NARS2: variants seen among roughly 807,000 people sequenced by gnomAD.
The protein encoded by NARS2 is asparaginyl-tRNA synthetase.
Under a neutral mutation model 62.9 loss-of-function variants are expected in NARS2, and 60 were observed. That is an observed-to-expected ratio of 0.95 (90% CI 0.77 to 1.18). The LOEUF (loss-of-function observed/expected upper bound fraction) is 1.18. Ranked by LOEUF, NARS2 falls within the 50% of genes most tolerant of loss-of-function variation. NARS2 has a pLI of 0.00. For missense variants in NARS2, 619 were observed against 576.4 expected (o/e 1.07, Z -0.76); for synonymous variants, 196 against 200.0 (o/e 0.98, Z 0.17).
intron 5 of NARS2, among the ~76,000 whole-genome samples, chr11:78,549,088 T>C (rs913866518): frequency 6.6e-6 from 1 of 152,208 alleles, no homozygotes; most frequent in African/African-American, 2.4e-5. Context: ...TCTGGGCAAG[T>C]GTGGCTGAGA....
chr11:78,486,407 A>G (rs116252581), intron 7 of NARS2, among the ~76,000 whole-genome samples: 3 of 152,180 alleles, frequency 2.0e-5, no homozygotes. Flanking sequence ...CAAGAAATGT[A>G]TATGTGAAAC....
chr11:78,544,030 A>AAC (rs1855745216), intron 5 of NARS2, among the ~76,000 whole-genome samples: 1 of 151,080 alleles, frequency 6.6e-6, no homozygotes, highest in African/African-American at 2.4e-5. Flanking sequence ...AAAAAAAAAA[A>AAC]AAAAAAAAAA....
At chr11:78,498,671 CT>C (rs56691152) in intron 6 of NARS2, among the ~76,000 whole-genome samples, 110,460 of 141,468 alleles carry the variant, frequency 0.78, 43,270 homozygotes, top group Non-Finnish European at 0.81. Flanking sequence ...CCAATACGCT[CT>C]TTTTTTTTTT....
intron 4 of NARS2, among the ~76,000 whole-genome samples, chr11:78,559,973 T>C (rs540536243): frequency 6.6e-6 from 1 of 152,200 alleles, no homozygotes; most frequent in Non-Finnish European, 1.5e-5. Flanking sequence ...TAGTACTATA[T>C]TCTCTTCCCA....
intron 11 of NARS2, among the ~76,000 whole-genome samples, chr11:78,451,110 A>G (rs1857956062): frequency 6.6e-6 from 1 of 152,178 alleles, no homozygotes; most frequent in South Asian, 2.1e-4. Context: ...CTACCTAGCT[A>G]AAGATTCTGC....
At chr11:78,483,891 T>A (rs901090117) in intron 7 of NARS2, among the ~76,000 whole-genome samples, 1 of 152,140 alleles carries the variant, frequency 6.6e-6, no homozygotes, top group Non-Finnish European at 1.5e-5. Context: ...AAAAACTACA[T>A]TAAATTTCAT....
chr11:78,561,704 G>A (rs1400397822), intron 4 of NARS2, among the ~76,000 whole-genome samples: 1 of 152,180 alleles, frequency 6.6e-6, no homozygotes, highest in Non-Finnish European at 1.5e-5. Context: ...AAACGTGAAA[G>A]GAATTGCTAG....
At chr11:78,443,345 T>TA (rs998721914) in intron 12 of NARS2, among the ~76,000 whole-genome samples, 5 of 143,354 alleles carry the variant, frequency 3.5e-5, no homozygotes, top group African/African-American at 8.3e-5. Context: ...AAAAAAAAAT[T>TA]AAAAAAAAAT....
chr11:78,454,017 T>A (rs1289563616), intron 11 of NARS2, among the ~76,000 whole-genome samples: 3 of 152,248 alleles, frequency 2.0e-5, no homozygotes, highest in Non-Finnish European at 4.4e-5. Context: ...AAGACTGTTT[T>A]ACCACATTGC....
intron 11 of NARS2, among the ~76,000 whole-genome samples, chr11:78,458,816 T>C (rs1858268807): frequency 6.6e-6 from 1 of 152,226 alleles, no homozygotes. Flanking sequence ...ACTTCCATAA[T>C]TCCCACTTGT....
At chr11:78,513,836 G>C (rs779074368) in intron 6 of NARS2, among the ~76,000 whole-genome samples, 2 of 152,064 alleles carry the variant, frequency 1.3e-5, no homozygotes, top group African/African-American at 4.8e-5. Flanking sequence ...CTGGAGGTGG[G>C]GCCTTGTGGG....
At chr11:78,559,647 A>T in intron 4 of NARS2, 28 bp from the exon 5 acceptor site, 1 of 1,446,468 alleles carries the variant, frequency 6.9e-7, no homozygotes. Flanking sequence ...TGTTTTCAGG[A>T]TATTTGCACA....
chr11:78,561,852 G>A (rs111398634), intron 4 of NARS2, among the ~76,000 whole-genome samples: 141 of 152,166 alleles, frequency 9.3e-4, no homozygotes, highest in African/African-American at 2.9e-3. Flanking sequence ...CTGAGGTCAG[G>A]AGTTTGAGAC....
chr11:78,456,800 C>T (rs1331938932), intron 11 of NARS2, among the ~76,000 whole-genome samples: 1 of 152,222 alleles, frequency 6.6e-6, no homozygotes. Context: ...AGCTGAACAT[C>T]TGCCACCTGG....
At chr11:78,531,489 A>G (rs1278549551) in intron 5 of NARS2, among the ~76,000 whole-genome samples, 2 of 152,242 alleles carry the variant, frequency 1.3e-5, no homozygotes, top group African/African-American at 4.8e-5. Context: ...TAAATGGCAC[A>G]GTAATTCCAT....
chr11:78,557,911 TG>T (rs1856421181), intron 5 of NARS2, among the ~76,000 whole-genome samples: 1 of 151,114 alleles, frequency 6.6e-6, no homozygotes, highest in South Asian at 2.1e-4. Flanking sequence ...TATCTCCAAA[TG>T]TATCTTTATT....
At chr11:78,568,482 T>C in intron 3 of NARS2, 150 bp downstream of exon 3, 1 of 850,818 alleles carries the variant, frequency 1.2e-6, no homozygotes, top group African/African-American at 1.7e-5. Context: ...TAATTTTTGC[T>C]ACTGCCTCTA....
chr11:78,561,906 C>G (rs563294099), intron 4 of NARS2, among the ~76,000 whole-genome samples: 2 of 152,106 alleles, frequency 1.3e-5, no homozygotes, highest in South Asian at 4.2e-4. Flanking sequence ...CTAAAAAATA[C>G]AAAAATTAGC....
intron 11 of NARS2, among the ~76,000 whole-genome samples, chr11:78,453,891 C>T (rs998299271): frequency 1.3e-5 from 2 of 152,208 alleles, no homozygotes; most frequent in Non-Finnish European, 2.9e-5. Flanking sequence ...AGTTTTACTA[C>T]TGCTGCTGTC....
Sources: allele counts gnomAD v4.1 joint callset (sites outside exome capture counted in the v4.1 genomes callset), GRCh38; gene constraint gnomAD v4.1.1; transcripts MANE v1.5; gene names NCBI Gene and HGNC (gene_info 2026-07-23, HGNC 2026-07-21).